The following ROBO1 variants were observed in gnomAD, a reference collection of about 807,000 sequenced individuals.
ROBO1 encodes the protein roundabout guidance receptor 1.
A neutral mutation model predicts 195.9 loss-of-function variants in ROBO1; 149 were observed. That is an observed-to-expected ratio of 0.76 (90% confidence interval 0.67 to 0.87). The LOEUF (loss-of-function observed/expected upper bound fraction) is 0.87. ROBO1 is among the 40% of genes least tolerant of loss of function. The pLI is 0.00. For missense variants in ROBO1, 1,933 were observed against 2,068.3 expected (o/e 0.93, Z 1.27); for synonymous variants, 816 against 733.2 (o/e 1.11, Z -1.82).
At chr3:78,608,784 C>G (rs1703618184) in intron 28 of ROBO1, among the ~76,000 whole-genome samples, 1 of 151,752 alleles carries the variant, frequency 6.6e-6, no homozygotes, top group African/African-American at 2.4e-5. Context: ...CAATGAAATA[C>G]AGTACAGGGG....
At chr3:79,523,648 A>G (rs1036732647) in intron 2 of ROBO1, among the ~76,000 whole-genome samples, 18 of 151,486 alleles carry the variant, frequency 1.2e-4, no homozygotes, top group African/African-American at 3.4e-4. Context: ...AATTTTTTCT[A>G]TTTTTAGTAG....
chr3:78,781,758 T>C (rs780270912), intron 4 of ROBO1, among the ~76,000 whole-genome samples: 2 of 152,176 alleles, frequency 1.3e-5, no homozygotes, highest in Non-Finnish European at 2.9e-5. Flanking sequence ...TGGTGTAAGA[T>C]AATAATAGAA....
At chr3:79,416,082 TA>T (rs11316210) in intron 2 of ROBO1, among the ~76,000 whole-genome samples, 56,076 of 151,606 alleles carry the variant, frequency 0.37, 10,956 homozygotes, top group Admixed American at 0.5. Context: ...TATACCAACA[TA>T]AAAAAAATAA....
At chr3:79,155,655 C>T (rs1343878975) in intron 2 of ROBO1, among the ~76,000 whole-genome samples, 1 of 151,502 alleles carries the variant, frequency 6.6e-6, no homozygotes, top group Non-Finnish European at 1.5e-5. Context: ...TTCTTTTATT[C>T]CTAACAGTAC....
Position 78,617,844 on chromosome 3 carries a change from C to T in ROBO1, c.4073G>A (p.Ser1358Asn). ...GACAGAGCTCTCCAGGTCCCCAACA[C>T]TGGAGGCAGGTGTCTGCTCAAGCCC... Reference protein sequence around the residue: ...LRGLEQTPASSVGDLESSVTG... With the variant: ...LRGLEQTPASNVGDLESSVTG... Residue 1358 changes from serine to asparagine, a missense_variant, in exon 27 of 31, where the codon AGT (serine) becomes AAT (asparagine). Transcript: ENST00000464233. 1 of 1,613,962 alleles carries T rather than the reference C, an allele frequency of 6.2e-7. No homozygotes were observed. The highest frequency in any genetic ancestry group is 8.5e-7 in the Non-Finnish European group (1 of 1,179,880).
intron 1 of ROBO1, among the ~76,000 whole-genome samples, chr3:79,659,389 T>C (rs1576190698): frequency 6.6e-6 from 1 of 152,186 alleles, no homozygotes; most frequent in East Asian, 1.9e-4. Flanking sequence ...AGGATTTAGT[T>C]TTAATGACTT....
At chr3:78,842,314 A>ATGAGCCATATATATTTTTATATG (rs1559913682) in intron 4 of ROBO1, among the ~76,000 whole-genome samples, 1 of 24,858 alleles carries the variant, frequency 4.0e-5, no homozygotes, top group Non-Finnish European at 8.6e-5. Context: ...ATATTTATAT[A>ATGAGCCATATATATTTTTATATG]TATGAGCCAT....
chr3:78,778,624 C>A (rs556480886), intron 4 of ROBO1, among the ~76,000 whole-genome samples: 7 of 152,006 alleles, frequency 4.6e-5, no homozygotes, highest in Non-Finnish European at 7.4e-5. Flanking sequence ...TAAAAGAGGA[C>A]ACAAATGGAA....
At chr3:79,633,999 A>C (rs943426358) in intron 1 of ROBO1, among the ~76,000 whole-genome samples, 4 of 152,168 alleles carry the variant, frequency 2.6e-5, no homozygotes, top group Non-Finnish European at 5.9e-5. Context: ...AGATTCAATA[A>C]CATGTCTAGT....
At chr3:79,158,041 T>C (rs955028803) in intron 2 of ROBO1, among the ~76,000 whole-genome samples, 3 of 151,830 alleles carry the variant, frequency 2.0e-5, no homozygotes, top group African/African-American at 7.2e-5. Flanking sequence ...ATGGTGAGTA[T>C]ATTTGTAATT....
rs764402303 is a variant in ROBO1 at position 78,617,734 on chromosome 3, C to T, written c.4183G>A (p.Gly1395Ser). Reference sequence around the variant, plus strand: ...AAGTCAGCATCAGTGAAAAAGGAGCCGTCCGAAGAACTAACACTGGAGCGT... The same window carrying T: ...AAGTCAGCATCAGTGAAAAAGGAGCTGTCCGAAGAACTAACACTGGAGCGT... ...SGRSSVSSSDGSFFTDADFAQ... is the reference protein window; with the variant it reads ...SGRSSVSSSDSSFFTDADFAQ... Residue 1395 changes from glycine to serine, a missense_variant, in exon 27 of 31, where the codon GGC becomes AGC. Gly to Ser is a moderately conservative substitution (Grantham distance 56). Coordinates refer to ENST00000464233, the MANE Select transcript of ROBO1 (RefSeq NM_002941.4). 2.1e-5 allele frequency: 34 copies of T among 1,613,816 alleles called. No individual in the cohort carries two copies. The highest frequency in any genetic ancestry group is 4.0e-5 in the African/African-American group (3 of 74,928).
chr3:79,085,128 A>G (rs956672107), intron 3 of ROBO1, among the ~76,000 whole-genome samples: 2 of 152,316 alleles, frequency 1.3e-5, no homozygotes, highest in South Asian at 4.1e-4. Flanking sequence ...TTAATAACAT[A>G]GTACTAACAA....
intron 2 of ROBO1, among the ~76,000 whole-genome samples, chr3:79,267,198 T>G (rs1198487326): frequency 6.6e-6 from 1 of 151,554 alleles, no homozygotes; most frequent in Non-Finnish European, 1.5e-5. Context: ...TCCATAGGAC[T>G]CTGCTGTTCT....
intron 2 of ROBO1, among the ~76,000 whole-genome samples, chr3:79,522,593 A>G (rs553147891): frequency 6.6e-6 from 1 of 152,100 alleles, no homozygotes; most frequent in Non-Finnish European, 1.5e-5. Flanking sequence ...TTACTTTTGT[A>G]TCCTTGATAC....
At chr3:78,902,726 C>A (rs2037661096) in intron 4 of ROBO1, among the ~76,000 whole-genome samples, 1 of 151,996 alleles carries the variant, frequency 6.6e-6, no homozygotes, top group Admixed American at 6.6e-5. Flanking sequence ...ACCTGTAATC[C>A]CAGCTACTCG....
chr3:79,276,928 C>A (rs575608074), intron 2 of ROBO1, among the ~76,000 whole-genome samples: 5 of 152,130 alleles, frequency 3.3e-5, no homozygotes, highest in Admixed American at 2.6e-4. Flanking sequence ...TACCATCTCA[C>A]CCCAGTTAAA....
intron 2 of ROBO1, among the ~76,000 whole-genome samples, chr3:79,180,361 G>A (rs1290268362): frequency 6.6e-6 from 1 of 152,136 alleles, no homozygotes; most frequent in African/African-American, 2.4e-5. Context: ...AAACAAATAT[G>A]ACTCCCTGCC....
chr3:78,714,417 G>A lies in ROBO1; in HGVS notation c.1025C>T (p.Ser342Phe). ...AENMVGKAEA[S>F]ATLTVQEPPH... Reference sequence around the variant, plus strand: ...CCTACCTTGAACAGTCAGAGTAGCAGATGCTTCAGCTTTGCCCACCATATT... The same window carrying A: ...CCTACCTTGAACAGTCAGAGTAGCAAATGCTTCAGCTTTGCCCACCATATT... Residue 342 changes from serine (S) to phenylalanine (F), a missense_variant, in exon 8 of 31, where the codon TCT (serine) becomes TTT (phenylalanine). By Grantham distance (155) the Ser-to-Phe change is radical. Around this residue, in one of 3 missense-constraint regions of ROBO1, gnomAD observed 1,737 missense variants for 1,882.5 expected, o/e 0.92. Transcript: ENST00000464233. 1.2e-6 allele frequency: 2 copies of A among 1,613,084 alleles called. No homozygotes were observed. The highest frequency in any genetic ancestry group is 1.7e-6 in the Non-Finnish European group (2 of 1,179,428).
chr3:78,950,606 T>C (rs1056978912), intron 3 of ROBO1, among the ~76,000 whole-genome samples: 2 of 151,690 alleles, frequency 1.3e-5, no homozygotes, highest in Middle Eastern at 3.4e-3. Context: ...GGCACATGTA[T>C]ACATATGTAA....
Sources: allele counts gnomAD v4.1 joint callset (sites outside exome capture counted in the v4.1 genomes callset), GRCh38; gene constraint gnomAD v4.1.1; regional missense constraint gnomAD v4.1.1; transcripts MANE v1.5; gene names NCBI Gene and HGNC (gene_info 2026-07-23, HGNC 2026-07-21).